The following SKI variants were observed in gnomAD, a reference collection of about 807,000 sequenced individuals.
SKI encodes ski oncogene.
A neutral mutation model predicts 59.3 loss-of-function variants in SKI; 23 were observed. The observed-to-expected ratio is 0.39, with a 90% CI of 0.28 to 0.55. The LOEUF (loss-of-function observed/expected upper bound fraction) is 0.55, where lower values mean the gene tolerates loss of function less well. Ranked by LOEUF, SKI falls within the 20% of genes least tolerant of loss-of-function variation. The pLI is 0.67. For synonymous variants in SKI, 673 were observed against 488.6 expected (o/e 1.38, Z -4.98); for missense variants, 1,017 against 1,038.9 (o/e 0.98, Z 0.29).
At chr1:2,294,514 C>T (rs368045420) in intron 1 of SKI, among the ~76,000 whole-genome samples, 4 of 152,218 alleles carry the variant, frequency 2.6e-5, no homozygotes, top group East Asian at 1.9e-4. Context: ...CACGTCGTGC[C>T]GTTTCCTCCT....
chr1:2,289,342 G>T (rs1193366245), intron 1 of SKI, among the ~76,000 whole-genome samples: 2 of 152,260 alleles, frequency 1.3e-5, no homozygotes, highest in East Asian at 3.9e-4. Flanking sequence ...GCGGCCAGAT[G>T]CCCATTACAG....
chr1:2,252,820 C>T (rs772179361), intron 1 of SKI, among the ~76,000 whole-genome samples: 1 of 152,050 alleles, frequency 6.6e-6, no homozygotes, highest in Non-Finnish European at 1.5e-5. Flanking sequence ...TGAGGCCAGG[C>T]GCGGTATCTC....
At chr1:2,240,903 C>A in intron 1 of SKI, 1 of 647,764 alleles carries the variant, frequency 1.5e-6, no homozygotes, top group Non-Finnish European at 1.9e-6. Flanking sequence ...CGACCCCAAT[C>A]CTCCTCAGCT....
chr1:2,288,559 G>A (rs986138964), intron 1 of SKI, among the ~76,000 whole-genome samples: 2 of 152,250 alleles, frequency 1.3e-5, no homozygotes, highest in Non-Finnish European at 2.9e-5. Flanking sequence ...CTTTGCTCGT[G>A]CGTGCACATT....
At chr1:2,291,542 T>C (rs1640162448) in intron 1 of SKI, among the ~76,000 whole-genome samples, 2 of 152,216 alleles carry the variant, frequency 1.3e-5, no homozygotes, top group Admixed American at 6.5e-5. Flanking sequence ...CCCAGCAAGG[T>C]TGGGGCTGCA....
At chr1:2,257,070 A>G (rs1639288851) in intron 1 of SKI, among the ~76,000 whole-genome samples, 1 of 152,040 alleles carries the variant, frequency 6.6e-6, no homozygotes, top group African/African-American at 2.4e-5. Context: ...TATCATGAGC[A>G]CTTTCTTTGT....
intron 1 of SKI, among the ~76,000 whole-genome samples, chr1:2,262,576 C>A (rs260505): frequency 0.54 from 81,946 of 151,064 alleles, 22,606 homozygotes; most frequent in East Asian, 0.83. Context: ...GAGTGGTGGG[C>A]GTGGACGCCC....
Position 2,244,866 on chromosome 1 carries a change from G to A in SKI, c.969+15131G>A, listed in dbSNP as rs566341628. On this transcript the variant is annotated intron_variant, in intron 1 of 6. Transcript: ENST00000378536. ...TGCCATTGGTGACCAAAAGAAAACA[G>A]GAGTGGCTCCATTTGTATCAAACAA... 5.3e-5 allele frequency among the ~76,000 whole-genome samples: 8 copies of A among 152,358 alleles called. No homozygotes were observed. The South Asian group carries it at 1.0e-3, about 20-fold the overall frequency.
chr1:2,285,587 C>T (rs1364492818), intron 1 of SKI, among the ~76,000 whole-genome samples: 9 of 146,364 alleles, frequency 6.1e-5, no homozygotes, highest in East Asian at 4.0e-4. Flanking sequence ...TTTTTTGAGA[C>T]GGAATCTTGC....
At chr1:2,305,007 G>A (rs554595755) in intron 5 of SKI, among the ~76,000 whole-genome samples, 5 of 152,214 alleles carry the variant, frequency 3.3e-5, no homozygotes, top group Admixed American at 6.5e-5. Flanking sequence ...GTGTTCACGC[G>A]CTCCGCCAGC....
At chr1:2,233,489 C>A (rs1009627128) in intron 1 of SKI, among the ~76,000 whole-genome samples, 1 of 152,016 alleles carries the variant, frequency 6.6e-6, no homozygotes, top group Non-Finnish European at 1.5e-5. Context: ...GGTCCCCTTG[C>A]CCTTGCGCTG....
At chr1:2,304,200 G>T in intron 4 of SKI, 93 bp from the exon 5 acceptor site, 1 of 1,568,614 alleles carries the variant, frequency 6.4e-7, no homozygotes, top group East Asian at 2.4e-5. Flanking sequence ...GTGGCCCCAT[G>T]TTTCGCAGGT....
Position 2,266,088 on chromosome 1 carries a change from G to A in SKI, c.969+36353G>A, listed in dbSNP as rs983581694. ...TGATTTTTTTTTAGGTGGGTCTAGA[G>A]CTGGGCTCAGGGCTCATTCTAGGCC... On this transcript the variant is annotated intron_variant, in intron 1 of 6. Transcript: ENST00000378536. Among the ~76,000 whole-genome samples, 62 of 152,150 alleles carry A rather than the reference G, an allele frequency of 4.1e-4. 1 individual carries two copies. The highest frequency in any genetic ancestry group is 1.4e-3 in the African/African-American group (60 of 41,424).
chr1:2,302,691 G>A (rs938850860), intron 1 of SKI, among the ~76,000 whole-genome samples: 2 of 152,158 alleles, frequency 1.3e-5, no homozygotes, highest in Non-Finnish European at 2.9e-5. Context: ...TGCTGCAGCC[G>A]TGGGTGAGGT....
At position 2,309,084 on chromosome 1, in the gene SKI, CA is replaced by C. The variant is rs1640677482; in HGVS notation, c.*2320del. On this transcript the variant is annotated 3_prime_UTR_variant, in exon 7 of 7. Transcript: ENST00000378536. Reference sequence around the variant, plus strand: ...AGTTCCCACAGCTCTTGCCTCGGCTCACCAGGGTCACTTCCACTGTCAGGGG... The same window carrying C: ...AGTTCCCACAGCTCTTGCCTCGGCTCCCAGGGTCACTTCCACTGTCAGGGG... 1 of 152,382 alleles carries C rather than the reference CA, an allele frequency of 6.6e-6. No homozygotes were observed. The highest frequency in any genetic ancestry group is 2.4e-5 in the African/African-American group (1 of 41,468). The allele number at this position is 152,382 out of a possible 1,614,324, so 9.4% of individuals were successfully genotyped here.
At chr1:2,285,599 C>G (rs1640021486) in intron 1 of SKI, among the ~76,000 whole-genome samples, 4 of 150,306 alleles carry the variant, frequency 2.7e-5, no homozygotes, top group Non-Finnish European at 4.4e-5. Flanking sequence ...GAATCTTGCT[C>G]TGTCACCCAG....
chr1:2,293,491 C>T (rs551550751), intron 1 of SKI, among the ~76,000 whole-genome samples: 1 of 151,802 alleles, frequency 6.6e-6, no homozygotes, highest in South Asian at 2.1e-4. Flanking sequence ...ATTTGGCCGT[C>T]CCCTTTTCTG....
intron 1 of SKI, among the ~76,000 whole-genome samples, chr1:2,286,685 G>T (rs1409480592): frequency 1.3e-5 from 2 of 152,204 alleles, no homozygotes; most frequent in South Asian, 2.1e-4. Flanking sequence ...ATGTGGCCAC[G>T]CAGCTCTCGC....
chr1:2,229,870 T>G lies in SKI; in HGVS notation c.969+135T>G, dbSNP rs1039321240. The G allele has an allele frequency of 1.4e-6, 2 of 1,473,390 alleles. No homozygotes were observed. The highest frequency in any genetic ancestry group is 2.8e-5 in the African/African-American group (2 of 70,718). 91.3% of individuals were successfully genotyped at this position (1,473,390 alleles called of 1,614,324 possible). A position where few individuals can be genotyped will look rare whatever the true frequency, so the allele number is the denominator to read the frequency against. ...CCATGTCTCCAGTCTTCGCTTTGTT[T>G]TAGGGAAATTCAGAGTGTTCCGACT... is the stretch of plus-strand genomic sequence containing the variant. On this transcript the variant is annotated intron_variant, in intron 1 of 6. Transcript: ENST00000378536. This position sits in a 1 kb window ranked among gnomAD's most constrained non-coding sequence, Gnocchi z 6.3.
Sources: gnomAD v4.1 joint callset for allele counts (sites outside exome capture counted in the v4.1 genomes callset) on GRCh38, gnomAD v4.1.1 for gene constraint, Gnocchi (gnomAD v3.1) non-coding constraint, MANE v1.5 for transcripts, NCBI Gene and HGNC (gene_info 2026-07-23, HGNC 2026-07-21) for gene names.